The following CDH12 variants were observed in gnomAD, a reference collection of about 807,000 sequenced individuals.
CDH12 encodes cadherin 12, also known as cadherin-12.
In CDH12, 41 loss-of-function variants were observed where a neutral mutation model predicts 74.1. The ratio of observed to expected loss-of-function variants is 0.55; its 90% CI spans 0.43 to 0.72. CDH12 has a LOEUF of 0.72. CDH12 is among the 30% of genes least tolerant of loss of function. The pLI is 0.00. For synonymous variants in CDH12, 399 were observed against 355.0 expected (o/e 1.12, Z -1.39); for missense variants, 945 against 977.2 (o/e 0.97, Z 0.44).
rs1181349462 is a variant in CDH12, at chr5:22,498,453, A to T, written c.-428+6817T>A. 3.9e-5 allele frequency among the ~76,000 whole-genome samples: 6 copies of T among 152,226 alleles called. No individual in the cohort carries two copies. The East Asian group carries it at 1.2e-3, about 29-fold the overall frequency. On this transcript the variant is annotated intron_variant, in intron 2 of 14. Transcript: ENST00000382254. ...TTTCAACACCATATTTGAGTAAATT[A>T]ATCCACGAGTCTATAATCCATCCCC...
chr5:22,045,145 A>AT (rs1465805524), intron 5 of CDH12, among the ~76,000 whole-genome samples: 2 of 152,208 alleles, frequency 1.3e-5, no homozygotes, highest in Admixed American at 6.5e-5. Context: ...CTGAACAGTT[A>AT]TTTTTTAAAA....
At chr5:22,785,552 C>A (rs1241231951) in intron 1 of CDH12, among the ~76,000 whole-genome samples, 4 of 152,144 alleles carry the variant, frequency 2.6e-5, no homozygotes, top group Non-Finnish European at 5.9e-5. Context: ...CAAGGTCTCA[C>A]TCTGTCATCC....
At chr5:21,872,906 T>TATCTATCTATCTATC (rs1418849589) in intron 6 of CDH12, among the ~76,000 whole-genome samples, 2 of 151,910 alleles carry the variant, frequency 1.3e-5, no homozygotes, top group Non-Finnish European at 2.9e-5. Context: ...TCTATCTATC[T>TATCTATCTATCTATC]ATCTATCTAT....
At chr5:21,845,185 C>T (rs1424301218) in intron 7 of CDH12, among the ~76,000 whole-genome samples, 1 of 152,104 alleles carries the variant, frequency 6.6e-6, no homozygotes, top group African/African-American at 2.4e-5. Flanking sequence ...TAGGATCCAT[C>T]ATACCATTTC....
intron 2 of CDH12, among the ~76,000 whole-genome samples, chr5:22,462,946 A>G (rs1580674979): frequency 6.6e-6 from 1 of 152,316 alleles, no homozygotes; most frequent in East Asian, 1.9e-4. Flanking sequence ...GTTTCATTAA[A>G]GATTCCAAGA....
intron 3 of CDH12, among the ~76,000 whole-genome samples, chr5:22,360,794 G>A (rs1290797793): frequency 1.3e-5 from 2 of 152,042 alleles, no homozygotes; most frequent in Non-Finnish European, 2.9e-5. Context: ...ATCAATAAAC[G>A]TAATCCAGCA....
chr5:21,970,839 C>CAAAAAAAAAAAAAAATAAAAA (rs1756815145), intron 6 of CDH12, among the ~76,000 whole-genome samples: 1 of 27,788 alleles, frequency 3.6e-5, no homozygotes, highest in Non-Finnish European at 6.2e-5. Flanking sequence ...GACTCTTTCT[C>CAAAAAAAAAAAAAAATAAAAA]AAAAAAAAAA....
chr5:22,719,210 C>G (rs934698941), intron 1 of CDH12, among the ~76,000 whole-genome samples: 5 of 152,134 alleles, frequency 3.3e-5, no homozygotes, highest in African/African-American at 1.2e-4. Context: ...TTATCTATAT[C>G]ATATTTATAA....
intron 1 of CDH12, among the ~76,000 whole-genome samples, chr5:22,555,541 G>A (rs1738763067): frequency 1.3e-5 from 2 of 151,870 alleles, no homozygotes; most frequent in Non-Finnish European, 1.5e-5. Flanking sequence ...GAAAAAAATA[G>A]TGTCTTCTTT....
intron 4 of CDH12, chr5:22,143,329 G>A (rs1342552359): frequency 1.3e-5 from 2 of 148,356 alleles, no homozygotes; most frequent in East Asian, 2.0e-4. Flanking sequence ...TTTAGCTATC[G>A]TATTTGGAGT....
intron 2 of CDH12, among the ~76,000 whole-genome samples, chr5:22,458,869 G>A (rs1745394825): frequency 6.6e-6 from 1 of 151,958 alleles, no homozygotes; most frequent in South Asian, 2.1e-4. Context: ...AAAACTAAAT[G>A]GCAGAAAACA....
intron 6 of CDH12, among the ~76,000 whole-genome samples, chr5:21,938,191 C>T (rs1235192053): frequency 3.3e-5 from 5 of 152,058 alleles, no homozygotes; most frequent in South Asian, 2.1e-4. Flanking sequence ...ACCTGGCTCT[C>T]TCTCCAGAGT....
intron 5 of CDH12, among the ~76,000 whole-genome samples, chr5:22,004,832 C>T (rs1181223011): frequency 6.6e-6 from 1 of 152,058 alleles, no homozygotes; most frequent in Non-Finnish European, 1.5e-5. Context: ...GCCCCAATGC[C>T]TATTATTTTC....
chr5:22,225,260 G>C (rs1413507504), intron 3 of CDH12, among the ~76,000 whole-genome samples: 1 of 152,180 alleles, frequency 6.6e-6, no homozygotes, highest in African/African-American at 2.4e-5. Context: ...CAATAGCATA[G>C]CTCATTAACA....
chr5:22,457,792 TG>T (rs1745343033), intron 2 of CDH12, among the ~76,000 whole-genome samples: 1 of 152,136 alleles, frequency 6.6e-6, no homozygotes, highest in Non-Finnish European at 1.5e-5. Context: ...TCACCCAGGC[TG>T]GAGTGCAGTG....
At chr5:22,835,508 G>C (rs1336786581) in intron 1 of CDH12, among the ~76,000 whole-genome samples, 1 of 152,076 alleles carries the variant, frequency 6.6e-6, no homozygotes, top group Non-Finnish European at 1.5e-5. Context: ...TTCTTTGAAT[G>C]GGGGCTAGAT....
intron 4 of CDH12, among the ~76,000 whole-genome samples, chr5:22,158,635 C>T (rs1426408585): frequency 6.6e-6 from 1 of 152,090 alleles, no homozygotes; most frequent in Non-Finnish European, 1.5e-5. Flanking sequence ...CTCTGCTGCA[C>T]TATACTTGGT....
intron 2 of CDH12, among the ~76,000 whole-genome samples, chr5:22,482,104 T>C (rs1222536266): frequency 2.6e-5 from 4 of 152,140 alleles, no homozygotes; most frequent in South Asian, 2.1e-4. Flanking sequence ...CTGATTTCTA[T>C]TGGGATAGGG....
intron 5 of CDH12, among the ~76,000 whole-genome samples, chr5:22,071,002 G>T (rs983791111): frequency 3.9e-5 from 6 of 152,046 alleles, no homozygotes; most frequent in Non-Finnish European, 5.9e-5. Flanking sequence ...GAGAGCATCA[G>T]GATAAATAGC....
Sources: allele counts gnomAD v4.1 joint callset (sites outside exome capture counted in the v4.1 genomes callset), GRCh38; gene constraint gnomAD v4.1.1; transcripts MANE v1.5; gene names NCBI Gene and HGNC (gene_info 2026-07-23, HGNC 2026-07-21).